The following CUBN variants were observed in gnomAD, a reference collection of about 807,000 sequenced individuals.
The protein encoded by CUBN is 460 kDa receptor.
In CUBN, 282 loss-of-function variants were observed where a neutral mutation model predicts 405.3. That is an observed-to-expected ratio of 0.70 (90% CI 0.63 to 0.77). The LOEUF (loss-of-function observed/expected upper bound fraction) is 0.77. Among genes scored for constraint, CUBN ranks in the 30% least tolerant of loss-of-function variants. The pLI is 0.00. For missense variants in CUBN, 4,514 were observed against 4,475.2 expected (o/e 1.01, Z -0.25); for synonymous variants, 1,684 against 1,617.0 (o/e 1.04, Z -0.99).
At chr10:16,912,473 C>G (rs1841759968) in intron 48 of CUBN, among the ~76,000 whole-genome samples, 1 of 152,108 alleles carries the variant, frequency 6.6e-6, no homozygotes, top group Admixed American at 6.5e-5. Flanking sequence ...ATGAACAAAT[C>G]AAAATGATGT....
chr10:16,855,264 T>C (rs906002532), intron 59 of CUBN, among the ~76,000 whole-genome samples: 1 of 151,914 alleles, frequency 6.6e-6, no homozygotes, highest in Non-Finnish European at 1.5e-5. Flanking sequence ...TGATTTTTAA[T>C]TCTTCAGTAT....
intron 28 of CUBN, among the ~76,000 whole-genome samples, chr10:17,008,108 GC>G (rs1360520908): frequency 6.6e-6 from 1 of 151,824 alleles, no homozygotes; most frequent in Non-Finnish European, 1.5e-5. Flanking sequence ...CTGAGATTGC[GC>G]CACTGCACTC....
intron 15 of CUBN, among the ~76,000 whole-genome samples, chr10:17,086,557 T>G (rs1290017234): frequency 6.6e-6 from 1 of 152,196 alleles, no homozygotes; most frequent in Non-Finnish European, 1.5e-5. Flanking sequence ...AAGTAAGTAC[T>G]ACAATGATAA....
intron 14 of CUBN, among the ~76,000 whole-genome samples, chr10:17,097,313 C>T (rs548594061): frequency 6.6e-6 from 1 of 152,090 alleles, no homozygotes; most frequent in South Asian, 2.1e-4. Flanking sequence ...TCTGAAAGTA[C>T]AGATGAGTTT....
chr10:17,008,588 G>A (rs770563008), intron 28 of CUBN, among the ~76,000 whole-genome samples: 3 of 151,842 alleles, frequency 2.0e-5, no homozygotes, highest in Non-Finnish European at 2.9e-5. Context: ...TCCTATCACA[G>A]GGTCTTTCTT....
At chr10:17,083,052 TA>T (rs373591672) in intron 17 of CUBN, among the ~76,000 whole-genome samples, 3,205 of 146,784 alleles carry the variant, frequency 0.022, 116 homozygotes, top group African/African-American at 0.073. Context: ...TCTCAAAAGT[TA>T]AAAAAAAAAG....
In CUBN at chr10:16,943,428, T is replaced by A. The variant is rs1423716991; in HGVS notation, c.5343-3191A>T. 2.6e-5 allele frequency among the ~76,000 whole-genome samples: 3 copies of A among 116,902 alleles called. No homozygotes were observed. The Admixed American group carries it at 2.6e-4, about 10-fold the overall frequency. The allele number at this position is 116,902 out of a possible 152,430, so 76.7% of individuals were successfully genotyped here. On this transcript the variant is annotated intron_variant, in intron 36 of 66. Coordinates refer to ENST00000377833, the MANE Select transcript of CUBN (RefSeq NM_001081.4). ...GATGATTTATAACACAATATTTCTA[T>A]CTTCAATCTTTTTTTTATTTTGCAA...
chr10:17,066,213 G>A (rs1835611581), intron 21 of CUBN, among the ~76,000 whole-genome samples: 1 of 152,170 alleles, frequency 6.6e-6, no homozygotes, highest in Non-Finnish European at 1.5e-5. Flanking sequence ...AGAGATAAGA[G>A]TGATGATTCA....
intron 4 of CUBN, among the ~76,000 whole-genome samples, chr10:17,124,736 C>A (rs1231993704): frequency 6.8e-6 from 1 of 146,660 alleles, no homozygotes; most frequent in Admixed American, 6.8e-5. Flanking sequence ...CCAGAGAAAA[C>A]TTCTTTAGAG....
At chr10:16,977,769 G>A (rs1429629161) in intron 31 of CUBN, among the ~76,000 whole-genome samples, 1 of 152,120 alleles carries the variant, frequency 6.6e-6, no homozygotes, top group East Asian at 1.9e-4. Flanking sequence ...GCTACCATGG[G>A]GCCCGGAGTC....
At chr10:16,883,639 C>G (rs1321751882) in intron 56 of CUBN, among the ~76,000 whole-genome samples, 1 of 151,808 alleles carries the variant, frequency 6.6e-6, no homozygotes, top group Non-Finnish European at 1.5e-5. Flanking sequence ...TACTTTTTTT[C>G]TTTAAGCTTT....
At chr10:16,837,494 A>C (rs886522171) in intron 62 of CUBN, among the ~76,000 whole-genome samples, 1 of 152,140 alleles carries the variant, frequency 6.6e-6, no homozygotes, top group African/African-American at 2.4e-5. Context: ...GTCTCAGCTC[A>C]TAGTCATCTC....
intron 8 of CUBN, among the ~76,000 whole-genome samples, chr10:17,112,297 G>T (rs552236651): frequency 1.6e-4 from 25 of 151,886 alleles, no homozygotes; most frequent in Non-Finnish European, 2.8e-4. Flanking sequence ...AGAAAAAAAC[G>T]CCCAAATGTT....
chr10:16,846,532 A>C (rs1239051129), intron 60 of CUBN, among the ~76,000 whole-genome samples: 1 of 152,112 alleles, frequency 6.6e-6, no homozygotes, highest in African/African-American at 2.4e-5. Flanking sequence ...AATATTGGCT[A>C]TGAAAAGGGG....
chr10:17,100,931 A>T (rs952121713), intron 13 of CUBN, among the ~76,000 whole-genome samples: 3 of 152,172 alleles, frequency 2.0e-5, no homozygotes, highest in Non-Finnish European at 4.4e-5. Context: ...AAACACAAAA[A>T]TGTGTCCGAA....
At chr10:16,999,182 A>C (rs142848368) in intron 28 of CUBN, among the ~76,000 whole-genome samples, 11 of 152,328 alleles carry the variant, frequency 7.2e-5, no homozygotes, top group Admixed American at 2.6e-4. Context: ...ATAAATACTC[A>C]AAGTTAAGAC....
intron 27 of CUBN, among the ~76,000 whole-genome samples, chr10:17,033,534 T>C (rs768989467): frequency 1.3e-5 from 2 of 152,214 alleles, no homozygotes; most frequent in Non-Finnish European, 2.9e-5. Context: ...ATATTTAGGA[T>C]AGTGACAGCC....
chr10:17,115,107 G>T (rs1349968667), intron 7 of CUBN, among the ~76,000 whole-genome samples: 1 of 152,090 alleles, frequency 6.6e-6, no homozygotes, highest in African/African-American at 2.4e-5. Context: ...AGCCAGGCAT[G>T]TTGGCATGCT....
chr10:16,978,858 G>T (rs1272194931), intron 31 of CUBN, among the ~76,000 whole-genome samples: 1 of 152,188 alleles, frequency 6.6e-6, no homozygotes, highest in African/African-American at 2.4e-5. Context: ...TCAGGCAAGA[G>T]AAAGAAACAA....
Sources: allele counts gnomAD v4.1 joint callset (sites outside exome capture counted in the v4.1 genomes callset), GRCh38; gene constraint gnomAD v4.1.1; transcripts MANE v1.5; gene names NCBI Gene and HGNC (gene_info 2026-07-23, HGNC 2026-07-21).